CALN1: variants seen among roughly 807,000 people sequenced by gnomAD.
CALN1 encodes calneuron 1.
In CALN1, 17 loss-of-function variants were observed where a neutral mutation model predicts 30.6. The observed-to-expected ratio is 0.56, with a 90% CI of 0.38 to 0.83. The LOEUF is 0.83. Among genes scored for constraint, CALN1 ranks in the 40% least tolerant of loss-of-function variants. CALN1 has a pLI of 0.00. For synonymous variants in CALN1, 156 were observed against 131.4 expected, an observed-to-expected ratio of 1.19 and a Z score of -1.28; for missense variants, 291 against 354.9, an observed-to-expected ratio of 0.82 and a Z score of 1.45.
chr7:72,333,445 AACC>A (rs1801806814), intron 2 of CALN1, among the ~76,000 whole-genome samples: 1 of 152,214 alleles, frequency 6.6e-6, no homozygotes, highest in Non-Finnish European at 1.5e-5. Flanking sequence ...CCTCCTTCCG[AACC>A]ACATTTGGAA....
At chr7:72,147,296 T>C (rs1161298989) in intron 3 of CALN1, among the ~76,000 whole-genome samples, 1 of 151,904 alleles carries the variant, frequency 6.6e-6, no homozygotes, top group Non-Finnish European at 1.5e-5. Flanking sequence ...CATCAACAAG[T>C]GGGCAAAGGA....
chr7:72,288,677 C>G (rs1453499314), intron 2 of CALN1, among the ~76,000 whole-genome samples: 1 of 152,168 alleles, frequency 6.6e-6, no homozygotes, highest in East Asian at 1.9e-4. Flanking sequence ...TCCTTCACTG[C>G]TAGCTTAAGC....
At chr7:71,982,401 C>T (rs1263599138) in intron 5 of CALN1, among the ~76,000 whole-genome samples, 1 of 152,108 alleles carries the variant, frequency 6.6e-6, no homozygotes, top group Non-Finnish European at 1.5e-5. Context: ...TCAAGACCAC[C>T]CTGGCCAACA....
chr7:72,467,531 A>G, the CALN1 span, among the ~76,000 whole-genome samples: 1 of 152,116 alleles, frequency 6.6e-6, no homozygotes, highest in Non-Finnish European at 1.5e-5. Flanking sequence ...CTCTAGGTCC[A>G]TGGCAGAGCC....
intron 2 of CALN1, among the ~76,000 whole-genome samples, chr7:72,312,928 G>A (rs1374321733): frequency 1.3e-5 from 2 of 151,740 alleles, no homozygotes; most frequent in African/African-American, 4.8e-5. Flanking sequence ...TCCACCTCCC[G>A]GGTTCAAATG....
chr7:72,158,844 T>G (rs996074037), intron 3 of CALN1, among the ~76,000 whole-genome samples: 1 of 151,922 alleles, frequency 6.6e-6, no homozygotes, highest in African/African-American at 2.4e-5. Context: ...TATGTGAGAT[T>G]TATTTATTTA....
intron 5 of CALN1, among the ~76,000 whole-genome samples, chr7:71,855,307 G>A (rs1026552767): frequency 2.0e-5 from 3 of 152,156 alleles, no homozygotes; most frequent in African/African-American, 7.2e-5. Flanking sequence ...CGTGTTTCAT[G>A]AAGCTTTCCA....
At chr7:72,427,787 T>A (rs1467979321) in intron 1 of CALN1, among the ~76,000 whole-genome samples, 1 of 152,004 alleles carries the variant, frequency 6.6e-6, no homozygotes, top group Non-Finnish European at 1.5e-5. Context: ...GGCTGCAGAG[T>A]GATCTTTTAA....
chr7:72,385,653 T>C (rs1486284275), intron 2 of CALN1, among the ~76,000 whole-genome samples: 1 of 152,206 alleles, frequency 6.6e-6, no homozygotes, highest in Non-Finnish European at 1.5e-5. Context: ...TCCCAAGCTG[T>C]CAAGGGAGTA....
chr7:72,441,012 C>CA (rs1808327767), intron 1 of CALN1, among the ~76,000 whole-genome samples: 1 of 151,370 alleles, frequency 6.6e-6, no homozygotes. Flanking sequence ...ATATACATGT[C>CA]AAAAAATGCT....
At chr7:72,336,538 AGCCAACAGGTACGGGAGGCGCTGTCT>A (rs1802051779) in intron 2 of CALN1, among the ~76,000 whole-genome samples, 2 of 152,078 alleles carry the variant, frequency 1.3e-5, no homozygotes, top group African/African-American at 4.8e-5. Context: ...CCAGTGTCGG[AGCCAACAGGTACGGGAGGCGCTGTCT>A]GCCAACCATC....
intron 3 of CALN1, among the ~76,000 whole-genome samples, chr7:72,121,506 C>A (rs1260484205): frequency 2.0e-5 from 3 of 147,144 alleles, no homozygotes; most frequent in African/African-American, 7.4e-5. Flanking sequence ...ATATAAAAAT[C>A]AAAAATCAAC....
intron 2 of CALN1, among the ~76,000 whole-genome samples, chr7:72,371,665 T>C (rs946205124): frequency 2.0e-5 from 3 of 152,210 alleles, no homozygotes; most frequent in South Asian, 2.1e-4. Context: ...TGGACTAATG[T>C]AGCATGTATG....
At chr7:72,087,754 C>T (rs1445848482) in intron 4 of CALN1, among the ~76,000 whole-genome samples, 1 of 152,082 alleles carries the variant, frequency 6.6e-6, no homozygotes, top group Non-Finnish European at 1.5e-5. Flanking sequence ...AAGGCCATAG[C>T]CCAGGATCTA....
intron 2 of CALN1, among the ~76,000 whole-genome samples, chr7:72,332,503 C>G (rs542181539): frequency 1.3e-5 from 2 of 151,846 alleles, no homozygotes; most frequent in Middle Eastern, 3.4e-3. Context: ...CTACTTGGAC[C>G]AAATTGAGCC....
intron 5 of CALN1, among the ~76,000 whole-genome samples, chr7:71,937,178 A>C (rs1272913980): frequency 2.6e-5 from 4 of 151,658 alleles, no homozygotes; most frequent in Admixed American, 6.6e-5. Flanking sequence ...ATGGTGGTGC[A>C]TGCCTGTAAA....
chr7:72,323,147 G>C (rs1801013406), intron 2 of CALN1, among the ~76,000 whole-genome samples: 1 of 151,984 alleles, frequency 6.6e-6, no homozygotes, highest in African/African-American at 2.4e-5. Context: ...CTGGTTCTGA[G>C]AGGGACCCTG....
intron 3 of CALN1, among the ~76,000 whole-genome samples, chr7:72,171,124 C>T (rs1356797932): frequency 2.0e-5 from 3 of 152,100 alleles, no homozygotes; most frequent in African/African-American, 7.2e-5. Context: ...CACCACTGCA[C>T]TCCAGCCTGG....
At chr7:72,461,172 T>TG in the CALN1 span, among the ~76,000 whole-genome samples, 5 of 151,968 alleles carry the variant, frequency 3.3e-5, no homozygotes, top group Non-Finnish European at 7.4e-5. Flanking sequence ...AACACATCGG[T>TG]GAGACTGTGA....
Sources: gnomAD v4.1 joint callset for allele counts (sites outside exome capture counted in the v4.1 genomes callset) on GRCh38, gnomAD v4.1.1 for gene constraint, MANE v1.5 for transcripts, NCBI Gene and HGNC (gene_info 2026-07-23, HGNC 2026-07-21) for gene names.